The following DLG2 variants were observed in gnomAD, a reference collection of about 807,000 sequenced individuals.
DLG2 encodes disks large homolog 2.
DLG2 carries 45 observed loss-of-function variants against 132.5 expected under a neutral mutation model. That is an observed-to-expected ratio of 0.34 (90% confidence interval 0.27 to 0.44). DLG2 has a LOEUF of 0.44. Among genes scored for constraint, DLG2 ranks in the 20% least tolerant of loss-of-function variants. The pLI is 1.00. For synonymous variants in DLG2, 424 were observed against 419.6 expected (o/e 1.01, Z -0.13); for missense variants, 1,045 against 1,196.9 (o/e 0.87, Z 1.87).
At chr11:84,017,086 T>C (rs1009810977) in intron 11 of DLG2, among the ~76,000 whole-genome samples, 10 of 151,918 alleles carry the variant, frequency 6.6e-5, no homozygotes, top group African/African-American at 2.4e-4. Flanking sequence ...AGGAGAGAGA[T>C]AGCATGGCAG....
At position 85,179,870 on chromosome 11, in the gene DLG2, C is replaced by G. The variant is rs376070350; in HGVS notation, c.187-25219G>C. ...TACAAAGATTAACTCACTGAGTCAT[C>G]ACAATAGCCTATGAAGTTTATACTA... On this transcript the variant is annotated intron_variant, in intron 4 of 27. Coordinates refer to ENST00000376104, the MANE Select transcript of DLG2 (RefSeq NM_001142699.3). 1.5e-3 allele frequency among the ~76,000 whole-genome samples: 232 copies of G among 152,018 alleles called. 2 individuals are homozygous for G. The highest frequency in any genetic ancestry group is 5.2e-3 in the African/African-American group (218 of 41,532).
chr11:84,451,307 G>A (rs1443013570), intron 7 of DLG2, among the ~76,000 whole-genome samples: 1 of 151,584 alleles, frequency 6.6e-6, no homozygotes, highest in Admixed American at 6.6e-5. Flanking sequence ...ATTTCTCATG[G>A]TCCACAATTT....
Position 84,692,239 on chromosome 11 carries a change from T to C in DLG2, c.358-157508A>G, listed in dbSNP as rs143609976. Among the ~76,000 whole-genome samples, 669 of 151,982 alleles carry C rather than the reference T, an allele frequency of 4.4e-3. 6 individuals are homozygous for C. Among genetic ancestry groups the C allele is most frequent in the Non-Finnish European group, 6.8e-3 (464 of 67,834 alleles). ...AACCTTCCTTTCCTACCTCCTGCTCTTTAAAACAAGCTTTAAATTTAGCAT... is the reference window on the plus strand; with the variant it reads ...AACCTTCCTTTCCTACCTCCTGCTCCTTAAAACAAGCTTTAAATTTAGCAT... On this transcript the variant is annotated intron_variant, in intron 6 of 27. Transcript: ENST00000376104.
At chr11:83,533,753 G>A (rs899104968) in intron 20 of DLG2, among the ~76,000 whole-genome samples, 2 of 152,192 alleles carry the variant, frequency 1.3e-5, no homozygotes, top group Non-Finnish European at 2.9e-5. Context: ...TGAGGCTAGC[G>A]AGGTGACAGA....
At chr11:83,861,276 G>T (rs188381521) in intron 16 of DLG2, among the ~76,000 whole-genome samples, 57 of 152,192 alleles carry the variant, frequency 3.7e-4, no homozygotes, top group Admixed American at 1.1e-3. Context: ...TTACATTGTT[G>T]GTGGGAATGT....
intron 8 of DLG2, among the ~76,000 whole-genome samples, chr11:84,195,967 A>G (rs79994798): frequency 0.048 from 7,313 of 152,318 alleles, 210 homozygotes; most frequent in Non-Finnish European, 0.06. Flanking sequence ...CCAACAATGT[A>G]TACATGTTGG....
At chr11:84,735,085 T>C (rs2063654447) in intron 6 of DLG2, among the ~76,000 whole-genome samples, 2 of 152,122 alleles carry the variant, frequency 1.3e-5, no homozygotes, top group South Asian at 2.1e-4. Context: ...TCAGGGATAT[T>C]GGTCTAAAAT....
At chr11:84,724,386 G>C (rs934887236) in intron 6 of DLG2, among the ~76,000 whole-genome samples, 4 of 152,132 alleles carry the variant, frequency 2.6e-5, no homozygotes, top group Non-Finnish European at 5.9e-5. Flanking sequence ...CTAATATCAT[G>C]CTTGCTATGT....
chr11:85,478,012 CT>C lies in DLG2; in HGVS notation c.40+120644del, dbSNP rs796751194. 2.1e-3 allele frequency among the ~76,000 whole-genome samples: 303 copies of C among 143,902 alleles called. 1 individual carries two copies. The highest frequency in any genetic ancestry group is 3.6e-3 in the African/African-American group (144 of 39,568). The allele number at this position is 143,902 out of a possible 152,430, so 94.4% of individuals were successfully genotyped here. A position where few individuals can be genotyped will look rare whatever the true frequency, so the allele number is the denominator to read the frequency against. Reference sequence around the variant, plus strand: ...GGGAGGGCTGAGTGGAACAATAGCACTTTTTTTTTTTTAAGAGACAGCTTTC... The same window carrying C: ...GGGAGGGCTGAGTGGAACAATAGCACTTTTTTTTTTTAAGAGACAGCTTTC... On this transcript the variant is annotated intron_variant, in intron 3 of 27. Transcript: ENST00000376104.
At chr11:83,631,167 C>CTTTTTTTTTTTTT (rs57696126) in intron 19 of DLG2, 3 of 91,632 alleles carry the variant, frequency 3.3e-5, no homozygotes, top group Admixed American at 1.1e-4. Context: ...TTGCTTCTTG[C>CTTTTTTTTTTTTT]TTTTTTTTTT....
At chr11:83,884,241 A>G (rs1287306780) in intron 15 of DLG2, among the ~76,000 whole-genome samples, 2 of 152,230 alleles carry the variant, frequency 1.3e-5, no homozygotes, top group African/African-American at 4.8e-5. Context: ...CTCCCACCCT[A>G]ATACTGCGCT....
chr11:83,619,693 A>T (rs2061349307), intron 19 of DLG2, among the ~76,000 whole-genome samples: 1 of 152,146 alleles, frequency 6.6e-6, no homozygotes, highest in Admixed American at 6.5e-5. Context: ...GCCCCCATTT[A>T]TGAGGAAAGG....
chr11:84,509,581 T>C (rs1256998714), intron 7 of DLG2, among the ~76,000 whole-genome samples: 2 of 152,094 alleles, frequency 1.3e-5, no homozygotes, highest in Non-Finnish European at 2.9e-5. Flanking sequence ...ATAAACTACA[T>C]GATAAAGTGC....
intron 6 of DLG2, among the ~76,000 whole-genome samples, chr11:84,920,476 T>G (rs1446461444): frequency 6.6e-6 from 1 of 152,182 alleles, no homozygotes; most frequent in Admixed American, 6.5e-5. Flanking sequence ...TGTTTCTTTC[T>G]CCTACAACAA....
intron 4 of DLG2, among the ~76,000 whole-genome samples, chr11:85,163,297 TA>T (rs569687436): frequency 7.0e-4 from 107 of 152,296 alleles, no homozygotes; most frequent in Non-Finnish European, 1.2e-3. Context: ...TTTAATCTTT[TA>T]TTTTTTTCAT....
chr11:85,436,289 CA>C (rs2091475572), intron 3 of DLG2, among the ~76,000 whole-genome samples: 1 of 152,106 alleles, frequency 6.6e-6, no homozygotes, highest in Admixed American at 6.5e-5. Context: ...ACAACTGCAA[CA>C]AAAGCCAAAA....
chr11:84,300,889 G>C (rs934875994), intron 7 of DLG2, among the ~76,000 whole-genome samples: 31 of 152,160 alleles, frequency 2.0e-4, no homozygotes, highest in African/African-American at 7.5e-4. Flanking sequence ...AATAGTTTTA[G>C]AAGCAATTTG....
intron 7 of DLG2, among the ~76,000 whole-genome samples, chr11:84,287,087 TC>T (rs1276254902): frequency 6.6e-6 from 1 of 152,188 alleles, no homozygotes; most frequent in Non-Finnish European, 1.5e-5. Flanking sequence ...GATTCATGCA[TC>T]CAGCATAAAA....
At chr11:85,406,052 T>A (rs2088698206) in intron 3 of DLG2, among the ~76,000 whole-genome samples, 1 of 151,990 alleles carries the variant, frequency 6.6e-6, no homozygotes, top group Non-Finnish European at 1.5e-5. Flanking sequence ...AAATTTTACC[T>A]CTTATGTCAT....
Sources: gnomAD v4.1 joint callset for allele counts (sites outside exome capture counted in the v4.1 genomes callset) on GRCh38, gnomAD v4.1.1 for gene constraint, MANE v1.5 for transcripts, NCBI Gene and HGNC (gene_info 2026-07-23, HGNC 2026-07-21) for gene names.